Variants in EYS observed in about 807,000 individuals in gnomAD.
EYS encodes the protein protein eyes shut homolog.
A neutral mutation model predicts 282.1 loss-of-function variants in EYS; 250 were observed. The ratio of observed to expected loss-of-function variants is 0.89; its 90% confidence interval spans 0.80 to 0.98. The LOEUF is 0.98. Ranked by LOEUF, EYS falls within the 50% of genes least tolerant of loss-of-function variation. The pLI, the probability that EYS is intolerant of heterozygous loss-of-function variation, is 0.00. For missense variants in EYS, 4,016 were observed against 3,709.0 expected, an observed-to-expected ratio of 1.08 and a Z score of -2.15; for synonymous variants, 1,355 against 1,282.9, an observed-to-expected ratio of 1.06 and a Z score of -1.20.
chr6:63,805,422 C>T (rs529647763), intron 37 of EYS, among the ~76,000 whole-genome samples: 1 of 152,286 alleles, frequency 6.6e-6, no homozygotes, highest in African/African-American at 2.4e-5. Flanking sequence ...TTGAGGGCAA[C>T]AACCATTTCC....
At chr6:64,943,160 C>T (rs981040453) in intron 15 of EYS, among the ~76,000 whole-genome samples, 2 of 152,040 alleles carry the variant, frequency 1.3e-5, no homozygotes, top group African/African-American at 4.8e-5. Context: ...AATTCAACAT[C>T]ATGCTAAAAA....
chr6:63,727,753 T>TATATATATATA (rs1554164611), intron 41 of EYS, among the ~76,000 whole-genome samples: 4 of 104,538 alleles, frequency 3.8e-5, no homozygotes, highest in East Asian at 2.5e-4. Flanking sequence ...TATATATATG[T>TATATATATATA]TAGCTGGGCA....
At chr6:64,128,977 T>G (rs532190256) in intron 31 of EYS, among the ~76,000 whole-genome samples, 187 of 152,270 alleles carry the variant, frequency 1.2e-3, no homozygotes, top group Admixed American at 4.4e-3. Flanking sequence ...AGAAATAGAT[T>G]AGAGTGGTGA....
chr6:64,669,251 TTAGTC>T (rs1769351721), intron 22 of EYS, among the ~76,000 whole-genome samples: 2 of 152,216 alleles, frequency 1.3e-5, no homozygotes, highest in South Asian at 2.1e-4. Context: ...ACTTTACAGA[TTAGTC>T]TAAGATGCTA....
chr6:64,616,032 C>A (rs570961923), intron 24 of EYS, among the ~76,000 whole-genome samples: 40 of 151,946 alleles, frequency 2.6e-4, no homozygotes, highest in African/African-American at 8.9e-4. Context: ...AGAACATATA[C>A]CAGGAGATTA....
chr6:64,518,168 C>A (rs557327171), intron 26 of EYS, among the ~76,000 whole-genome samples: 2 of 151,936 alleles, frequency 1.3e-5, no homozygotes, highest in African/African-American at 2.4e-5. Context: ...AACAAAGTGA[C>A]AAATTCCTAA....
chr6:65,452,018 C>T (rs1338691163), intron 5 of EYS, among the ~76,000 whole-genome samples: 1 of 151,434 alleles, frequency 6.6e-6, no homozygotes, highest in Non-Finnish European at 1.5e-5. Context: ...AGAAGTTTTA[C>T]TAATCTTAAT....
intron 26 of EYS, among the ~76,000 whole-genome samples, chr6:64,515,037 C>A (rs1197096258): frequency 6.6e-6 from 1 of 151,626 alleles, no homozygotes; most frequent in Non-Finnish European, 1.5e-5. Context: ...CCACACAGGT[C>A]TATAGAATTT....
intron 2 of EYS, among the ~76,000 whole-genome samples, chr6:65,633,359 T>C (rs1231441054): frequency 6.6e-6 from 1 of 152,212 alleles, no homozygotes; most frequent in Non-Finnish European, 1.5e-5. Flanking sequence ...AAAAGCTCAA[T>C]GTATTTTACA....
At chr6:64,441,730 A>C (rs1289668464) in intron 26 of EYS, among the ~76,000 whole-genome samples, 2 of 152,168 alleles carry the variant, frequency 1.3e-5, no homozygotes, top group African/African-American at 4.8e-5. Context: ...TGATGATTTT[A>C]AAAACAAGAG....
chr6:63,974,978 T>C (rs1766763533), intron 35 of EYS, among the ~76,000 whole-genome samples: 1 of 151,916 alleles, frequency 6.6e-6, no homozygotes, highest in African/African-American at 2.4e-5. Flanking sequence ...TCTTCAAATA[T>C]GTGATCCACT....
chr6:65,357,150 T>A (rs1324773559), intron 8 of EYS, among the ~76,000 whole-genome samples: 1 of 151,984 alleles, frequency 6.6e-6, no homozygotes, highest in Non-Finnish European at 1.5e-5. Context: ...AGGCTCATCA[T>A]TTCTGTAGAG....
In EYS at chr6:64,211,302, A is replaced by G. The variant is rs533178315; in HGVS notation, c.6424+19290T>C. Among the ~76,000 whole-genome samples the G allele has an allele frequency of 2.0e-5, 3 of 152,288 alleles. No individual in the cohort carries two copies. In the South Asian group the frequency reaches 6.2e-4, roughly 32 times the overall value. On this transcript the variant is annotated intron_variant, in intron 31 of 42. Transcript: ENST00000503581. Reference sequence around the variant, plus strand: ...TAGACAATTTAGAGATACAACAACAAATGGAGACTTTAGGTAATCTGAAGG... The same window carrying G: ...TAGACAATTTAGAGATACAACAACAGATGGAGACTTTAGGTAATCTGAAGG...
intron 22 of EYS, among the ~76,000 whole-genome samples, chr6:64,654,673 T>C (rs982561243): frequency 6.6e-6 from 1 of 152,222 alleles, no homozygotes; most frequent in African/African-American, 2.4e-5. Context: ...GCTATTGTCT[T>C]TTAAATACAT....
Position 64,933,596 on chromosome 6 carries a change from C to T in EYS, c.2381+12197G>A, listed in dbSNP as rs1029332533. On this transcript the variant is annotated intron_variant, in intron 15 of 42. Transcript: ENST00000503581. Reference sequence around the variant, plus strand: ...GTGGCGATTCCTCAAGGATCTAGAACTAAAAATACCATTTGAGCCAGCAAT... The same window carrying T: ...GTGGCGATTCCTCAAGGATCTAGAATTAAAAATACCATTTGAGCCAGCAAT... Among the ~76,000 whole-genome samples, 3 of 152,120 alleles carry T rather than the reference C, an allele frequency of 2.0e-5. No individual in the cohort carries two copies. In the South Asian group the frequency reaches 6.2e-4, roughly 32 times the overall value.
At chr6:65,383,343 G>A (rs961795418) in intron 8 of EYS, among the ~76,000 whole-genome samples, 1 of 151,402 alleles carries the variant, frequency 6.6e-6, no homozygotes, top group African/African-American at 2.4e-5. Flanking sequence ...CACTTTTATA[G>A]TATTAATTTT....
rs368308343 is a variant in EYS, at chr6:65,591,109, TC to T, written c.-333+48668del. Among the ~76,000 whole-genome samples the T allele has an allele frequency of 5.2e-3, 785 of 152,186 alleles. 10 individuals carry two copies. Among genetic ancestry groups the T allele is most frequent in the African/African-American group, 0.018 (751 of 41,550 alleles). ...ATTCCCACCAACAGTGTGTGAAGGT[TC>T]CCCTTTCTCACCACATGGCCTCTCC... On this transcript the variant is annotated intron_variant, in intron 2 of 42. Transcript: ENST00000503581.
At chr6:64,076,257 C>A (rs1771767585) in intron 32 of EYS, among the ~76,000 whole-genome samples, 1 of 151,876 alleles carries the variant, frequency 6.6e-6, no homozygotes, top group South Asian at 2.1e-4. Flanking sequence ...CCTAAAGATT[C>A]AATACCTACT....
intron 19 of EYS, among the ~76,000 whole-genome samples, chr6:64,882,405 G>T (rs150888819): frequency 1.3e-5 from 2 of 151,778 alleles, no homozygotes; most frequent in Admixed American, 1.3e-4. Flanking sequence ...TTGTGAAAGT[G>T]AATTTTAAAT....
Sources: allele counts gnomAD v4.1 joint callset (sites outside exome capture counted in the v4.1 genomes callset), GRCh38; gene constraint gnomAD v4.1.1; transcripts MANE v1.5; gene names NCBI Gene and HGNC (gene_info 2026-07-23, HGNC 2026-07-21).